Variants in AFAP1 observed in about 807,000 individuals in gnomAD.
AFAP1 encodes the protein actin filament associated protein 1.
In AFAP1, 75 loss-of-function variants were observed where a neutral mutation model predicts 93.9. The ratio of observed to expected loss-of-function variants is 0.80; its 90% CI spans 0.66 to 0.97. AFAP1 has a LOEUF of 0.97. AFAP1 is among the 50% of genes least tolerant of loss of function. The pLI is 0.00. For missense variants in AFAP1, 1,201 were observed against 1,050.8 expected, an observed-to-expected ratio of 1.14 and a Z score of -1.98; for synonymous variants, 517 against 430.7, an observed-to-expected ratio of 1.20 and a Z score of -2.48.
At chr4:7,804,847 G>T (rs1323128991) in intron 9 of AFAP1, among the ~76,000 whole-genome samples, 2 of 152,204 alleles carry the variant, frequency 1.3e-5, no homozygotes, top group Non-Finnish European at 2.9e-5. Flanking sequence ...CAGCTAGGAG[G>T]AGAGGGGCCT....
intron 6 of AFAP1, among the ~76,000 whole-genome samples, chr4:7,838,165 A>G (rs879468793): frequency 6.6e-6 from 1 of 152,226 alleles, no homozygotes; most frequent in Non-Finnish European, 1.5e-5. Context: ...AATTTTCCCA[A>G]ACTTAGAAAG....
At chr4:7,813,056 A>AG (rs1720187511) in intron 8 of AFAP1, among the ~76,000 whole-genome samples, 1 of 152,128 alleles carries the variant, frequency 6.6e-6, no homozygotes, top group Non-Finnish European at 1.5e-5. Context: ...AAGAAACAGG[A>AG]GTTCCAGAGT....
At chr4:7,899,630 T>A (rs567074384) in intron 1 of AFAP1, among the ~76,000 whole-genome samples, 3 of 152,142 alleles carry the variant, frequency 2.0e-5, no homozygotes, top group Non-Finnish European at 4.4e-5. Flanking sequence ...ATCTCTTCCA[T>A]CCCCAGGGCT....
chr4:7,922,056 G>C (rs1720468439), intron 1 of AFAP1, among the ~76,000 whole-genome samples: 1 of 152,196 alleles, frequency 6.6e-6, no homozygotes, highest in Admixed American at 6.5e-5. Context: ...CCAGGAAGCG[G>C]AGGTTGCAGT....
Position 7,837,065 on chromosome 4 carries a change from T to A in AFAP1, c.726+1459A>T, listed in dbSNP as rs141821277. Among the ~76,000 whole-genome samples the A allele has an allele frequency of 3.3e-3, 510 of 152,292 alleles. 3 individuals carry two copies. Among genetic ancestry groups the A allele is most frequent in the African/African-American group, 0.012 (485 of 41,574 alleles). ...CAAAACCACTGTCAAACCACCATGC[T>A]GATGACATTTATGAAGATAAACGTC... On this transcript the variant is annotated intron_variant, in intron 6 of 17. Coordinates refer to ENST00000420658, the MANE Select transcript of AFAP1 (RefSeq NM_001134647.2).
At chr4:7,911,732 G>A (rs190347518) in intron 1 of AFAP1, among the ~76,000 whole-genome samples, 3 of 152,278 alleles carry the variant, frequency 2.0e-5, no homozygotes. Context: ...TATTCCACAC[G>A]GGTCCCTCCA....
At chr4:7,881,101 T>C (rs35735994) in intron 1 of AFAP1, among the ~76,000 whole-genome samples, 17,513 of 152,132 alleles carry the variant, frequency 0.12, 1,158 homozygotes, top group Non-Finnish European at 0.16. Context: ...TAACCCGCTA[T>C]AGAAACTCCC....
chr4:7,819,215 G>T, intron 6 of AFAP1, 44 bp from the exon 7 acceptor site: 1 of 1,537,146 alleles, frequency 6.5e-7, no homozygotes, highest in Non-Finnish European at 8.9e-7. Flanking sequence ...CAAAGGCAGA[G>T]ATACTTAAAG....
At position 7,809,594 on chromosome 4, in the gene AFAP1, T is replaced by G. The variant is rs758094586; in HGVS notation, c.1054+20A>C. 20 of 1,606,202 alleles carry G rather than the reference T, an allele frequency of 1.2e-5. No homozygotes were observed. The highest frequency in any genetic ancestry group is 1.6e-5 in the Non-Finnish European group (19 of 1,176,052). Reference sequence around the variant, plus strand: ...CCCACTTAGGTGCACGCTGCTCGTCTCCGGGAAGCGCAGTCTTACCGCAGG... The same window carrying G: ...CCCACTTAGGTGCACGCTGCTCGTCGCCGGGAAGCGCAGTCTTACCGCAGG... On this transcript the variant is annotated intron_variant, in intron 9 of 17. Coordinates refer to ENST00000420658, the MANE Select transcript of AFAP1 (RefSeq NM_001134647.2).
chr4:7,864,082 C>A (rs1342420249), intron 3 of AFAP1, among the ~76,000 whole-genome samples: 2 of 152,342 alleles, frequency 1.3e-5, no homozygotes, highest in African/African-American at 2.4e-5. Context: ...TTCCCAACTT[C>A]CCATCACAAC....
chr4:7,760,325 C>A lies in AFAP1; in HGVS notation c.*3440G>T, dbSNP rs773305152. On this transcript the variant is annotated 3_prime_UTR_variant, in exon 18 of 18. Coordinates refer to ENST00000420658, the MANE Select transcript of AFAP1 (RefSeq NM_001134647.2). Reference sequence around the variant, plus strand: ...AAGGTTAAGCCTGGCAACGCCAGGGCATAGGCACAGAGGGGCGAGATGGGA... The same window carrying A: ...AAGGTTAAGCCTGGCAACGCCAGGGAATAGGCACAGAGGGGCGAGATGGGA... 1 of 152,268 alleles carries A rather than the reference C, an allele frequency of 6.6e-6. No individual in the cohort carries two copies. The allele number at this position is 152,268 out of a possible 1,614,324, so 9.4% of individuals were successfully genotyped here. A position where few individuals can be genotyped will look rare whatever the true frequency, so the allele number is the denominator to read the frequency against.
intron 1 of AFAP1, among the ~76,000 whole-genome samples, chr4:7,911,193 T>C (rs1037000858): frequency 6.6e-6 from 1 of 152,198 alleles, no homozygotes; most frequent in Non-Finnish European, 1.5e-5. Flanking sequence ...GAAGGCTGAC[T>C]AGCGAGCCAG....
chr4:7,806,712 G>C (rs1719546352), intron 9 of AFAP1, among the ~76,000 whole-genome samples: 1 of 152,088 alleles, frequency 6.6e-6, no homozygotes, highest in African/African-American at 2.4e-5. Flanking sequence ...CCTTTCCCCT[G>C]CAAGGAATTA....
chr4:7,772,819 C>G lies in AFAP1; in HGVS notation c.2253+1G>C, dbSNP rs1715620469. The stretch of plus-strand genomic sequence containing the variant: ...CCGAGGTGAGCCAGAAGGACACACA[C>G]CTGTGGACTCGATGTCCCTGACTTG... On this transcript the variant is annotated splice_donor_variant, in intron 16 of 17. Transcript: ENST00000420658. LOFTEE classifies it high-confidence loss of function. 1 of 1,613,644 alleles carries G rather than the reference C, an allele frequency of 6.2e-7. No homozygotes were observed. The highest frequency in any genetic ancestry group is 8.5e-7 in the Non-Finnish European group (1 of 1,179,840).
chr4:7,851,038 A>C, intron 4 of AFAP1, among the ~76,000 whole-genome samples: 1 of 151,970 alleles, frequency 6.6e-6, no homozygotes, highest in Non-Finnish European at 1.5e-5. Flanking sequence ...GTTCTGATGA[A>C]ACCCTCACTG....
At chr4:7,922,161 G>C (rs967592895) in intron 1 of AFAP1, among the ~76,000 whole-genome samples, 1 of 152,210 alleles carries the variant, frequency 6.6e-6, no homozygotes, top group Non-Finnish European at 1.5e-5. Flanking sequence ...GCAATGATGG[G>C]AGTAGGACTT....
intron 1 of AFAP1, among the ~76,000 whole-genome samples, chr4:7,873,145 G>A (rs1717200144): frequency 2.0e-5 from 3 of 147,622 alleles, no homozygotes; most frequent in South Asian, 4.4e-4. Flanking sequence ...GAGGAGGCTG[G>A]GGCACAAGAA....
At chr4:7,918,710 A>G (rs899603959) in intron 1 of AFAP1, among the ~76,000 whole-genome samples, 15 of 136,544 alleles carry the variant, frequency 1.1e-4, no homozygotes, top group Admixed American at 2.2e-4. Context: ...GGTCACCAGG[A>G]AACAGGGCTG....
chr4:7,764,925 G>C (rs754483147), intron 17 of AFAP1, among the ~76,000 whole-genome samples: 1 of 152,180 alleles, frequency 6.6e-6, no homozygotes, highest in Non-Finnish European at 1.5e-5. Context: ...GAGCAACTTA[G>C]GGAGACCCCA....
Sources: allele counts gnomAD v4.1 joint callset (sites outside exome capture counted in the v4.1 genomes callset), GRCh38; gene constraint gnomAD v4.1.1; transcripts MANE v1.5; gene names NCBI Gene and HGNC (gene_info 2026-07-23, HGNC 2026-07-21).